The following COL24A1 variants were observed in gnomAD, a reference collection of about 807,000 sequenced individuals.
COL24A1 encodes the protein collagen type XXIV alpha 1 chain.
Under a neutral mutation model 253.9 loss-of-function variants are expected in COL24A1, and 224 were observed. The ratio of observed to expected loss-of-function variants is 0.88; its 90% CI spans 0.79 to 0.99. The LOEUF (loss-of-function observed/expected upper bound fraction) is 0.99. Ranked by LOEUF, COL24A1 falls within the 50% of genes least tolerant of loss-of-function variation. COL24A1 has a pLI of 0.00. For synonymous variants in COL24A1, 685 were observed against 673.7 expected (o/e 1.02, Z -0.26); for missense variants, 2,131 against 2,068.5 (o/e 1.03, Z -0.59).
intron 37 of COL24A1, among the ~76,000 whole-genome samples, chr1:85,851,629 T>C (rs932153775): frequency 6.6e-6 from 1 of 152,188 alleles, no homozygotes; most frequent in East Asian, 1.9e-4. Context: ...AGACTTAAAA[T>C]GGGTGCAGAA....
At chr1:85,977,916 G>T (rs1005661387) in intron 20 of COL24A1, among the ~76,000 whole-genome samples, 1 of 152,050 alleles carries the variant, frequency 6.6e-6, no homozygotes, top group African/African-American at 2.4e-5. Flanking sequence ...CACCACCTAG[G>T]CACACAGTCA....
chr1:86,147,175 T>C (rs1652000901), intron 1 of COL24A1, among the ~76,000 whole-genome samples: 1 of 152,180 alleles, frequency 6.6e-6, no homozygotes, highest in Non-Finnish European at 1.5e-5. Flanking sequence ...TAGTAATTGG[T>C]ACATTTTCTA....
chr1:85,987,933 C>T (rs1422427177), intron 19 of COL24A1, among the ~76,000 whole-genome samples: 1 of 151,778 alleles, frequency 6.6e-6, no homozygotes, highest in Non-Finnish European at 1.5e-5. Flanking sequence ...AAATTATCCA[C>T]AATGTGGAAA....
intron 21 of COL24A1, 145 bp downstream of exon 21, chr1:85,971,195 C>T: frequency 1.4e-6 from 1 of 696,178 alleles, no homozygotes; most frequent in Non-Finnish European, 2.5e-6. Flanking sequence ...GGCAAGAGAC[C>T]AAGACTCTGT....
rs564190824 is a variant in COL24A1, at chr1:86,097,995, A to G, written c.1600-5675T>C. ...GCATGTATGGGATGAATCCTCCTGT[A>G]GATAATGATTACAAAGTCAGGATAA... On this transcript the variant is annotated intron_variant, in intron 5 of 59. Transcript: ENST00000370571. 6.6e-5 allele frequency among the ~76,000 whole-genome samples: 10 copies of G among 152,308 alleles called. No individual in the cohort carries two copies. In the East Asian group the frequency reaches 1.9e-3, roughly 30 times the overall value.
intron 47 of COL24A1, among the ~76,000 whole-genome samples, chr1:85,802,253 T>C (rs1252239841): frequency 6.6e-6 from 1 of 152,212 alleles, no homozygotes. Flanking sequence ...AATGCTCAAT[T>C]ACCTTAATAC....
intron 2 of COL24A1, among the ~76,000 whole-genome samples, chr1:86,145,588 C>G (rs1651764949): frequency 6.6e-6 from 1 of 151,932 alleles, no homozygotes; most frequent in Non-Finnish European, 1.5e-5. Context: ...TACATAGACT[C>G]CTGAAACTCT....
chr1:86,049,113 G>T (rs1013743324), intron 11 of COL24A1, among the ~76,000 whole-genome samples: 1 of 152,158 alleles, frequency 6.6e-6, no homozygotes, highest in African/African-American at 2.4e-5. Context: ...TGAAGGTTAG[G>T]TGGCTTAGTT....
In COL24A1 at chr1:86,125,896, C is replaced by A. The variant is rs1236958997; in HGVS notation, c.440G>T (p.Arg147Ile). 1.2e-6 allele frequency: 2 copies of A among 1,613,192 alleles called. No individual in the cohort carries two copies. Among genetic ancestry groups the A allele is most frequent in the Non-Finnish European group, 1.7e-6 (2 of 1,179,674 alleles). The change falls in exon 3 of 60, where the codon AGA becomes ATA. Residue 147 changes from arginine to isoleucine, a missense_variant. By Grantham distance (97) the Arg-to-Ile change is moderately conservative. Coordinates refer to ENST00000370571, the MANE Select transcript of COL24A1 (RefSeq NM_152890.7). ...GTTGAAAACTGCAGGCTGCTTTCCT[C>A]TAATGTGTACTACTAATTTTTTAGG... Reference protein sequence around the residue: ...LLPKKLVVHIRGKQPAVFNYS... With the variant: ...LLPKKLVVHIIGKQPAVFNYS...
intron 20 of COL24A1, among the ~76,000 whole-genome samples, chr1:85,983,793 T>A (rs1693466532): frequency 6.6e-6 from 1 of 151,832 alleles, no homozygotes. Flanking sequence ...TCAACAAAAA[T>A]GAGAAGGACC....
At chr1:86,065,711 T>C (rs1701420376) in intron 7 of COL24A1, among the ~76,000 whole-genome samples, 1 of 150,204 alleles carries the variant, frequency 6.7e-6, no homozygotes, top group Non-Finnish European at 1.5e-5. Context: ...GGAGGGTTGC[T>C]TGAGCCCAGG....
chr1:85,896,461 T>G lies in COL24A1; in HGVS notation c.2779-52A>C, dbSNP rs193124174. The G allele has an allele frequency of 5.5e-3, 8,169 of 1,472,632 alleles. 56 individuals carry two copies. Among genetic ancestry groups the G allele is most frequent in the Middle Eastern group, 0.019 (112 of 5,756 alleles). 91.2% of individuals were successfully genotyped at this position (1,472,632 alleles called of 1,614,324 possible). A position where few individuals can be genotyped will look rare whatever the true frequency, so the allele number is the denominator to read the frequency against. On this transcript the variant is annotated intron_variant, in intron 28 of 59. Coordinates refer to ENST00000370571, the MANE Select transcript of COL24A1 (RefSeq NM_152890.7). ...TTAATTTGAAATGTTCCTTTTTTTTTCTTAACAGTTATGTGTCCTCACAGA... is the reference window on the plus strand; with the variant it reads ...TTAATTTGAAATGTTCCTTTTTTTTGCTTAACAGTTATGTGTCCTCACAGA...
intron 42 of COL24A1, among the ~76,000 whole-genome samples, chr1:85,839,433 T>A (rs1046179169): frequency 2.6e-5 from 4 of 151,864 alleles, no homozygotes; most frequent in Non-Finnish European, 5.9e-5. Context: ...CATGAGAAAG[T>A]CTACTGTTGG....
In COL24A1 at chr1:86,096,636, T is replaced by C. The variant is rs569476700; in HGVS notation, c.1600-4316A>G. Among the ~76,000 whole-genome samples, 4 of 152,222 alleles carry C rather than the reference T, an allele frequency of 2.6e-5. No homozygotes were observed. The South Asian group carries it at 8.3e-4, about 32-fold the overall frequency. On this transcript the variant is annotated intron_variant, in intron 5 of 59. Transcript: ENST00000370571. ...GGTCTAACATAGTCACTCCATTGCA[T>C]ACATAAATGACCCTACTTCCCCTTT... is the stretch of plus-strand genomic sequence containing the variant.
At chr1:86,107,395 G>T (rs2102099384) in intron 5 of COL24A1, among the ~76,000 whole-genome samples, 1 of 152,266 alleles carries the variant, frequency 6.6e-6, no homozygotes, top group South Asian at 2.1e-4. Context: ...TATAAAGCTT[G>T]AATGTTCTAT....
chr1:86,135,012 G>T (rs1256397510), intron 2 of COL24A1, among the ~76,000 whole-genome samples: 1 of 151,626 alleles, frequency 6.6e-6, no homozygotes. Context: ...CCAAGGACTT[G>T]CTTTATGAAT....
chr1:85,824,905 TA>T lies in COL24A1; in HGVS notation c.3682-1168del, dbSNP rs1553188215. Among the ~76,000 whole-genome samples, 10 of 11,146 alleles carry T rather than the reference TA, an allele frequency of 9.0e-4. No homozygotes were observed. The South Asian group carries it at 0.023, about 26-fold the overall frequency. The allele number at this position is 11,146 out of a possible 152,430, so 7.3% of individuals were successfully genotyped here. Reference sequence around the variant, plus strand: ...CATAGGCTAACAATATTTATTCTTTTATTATTATTATTATTATTATTATTAT... The same window carrying T: ...CATAGGCTAACAATATTTATTCTTTTTTATTATTATTATTATTATTATTAT... On this transcript the variant is annotated intron_variant, in intron 43 of 59. Coordinates refer to ENST00000370571, the MANE Select transcript of COL24A1 (RefSeq NM_152890.7).
intron 12 of COL24A1, among the ~76,000 whole-genome samples, chr1:86,041,767 T>C (rs1410462451): frequency 6.6e-6 from 1 of 152,092 alleles, no homozygotes; most frequent in East Asian, 1.9e-4. Context: ...ATAAAGACAT[T>C]AAAGCATGTA....
At chr1:85,799,112 C>G (rs923094627) in intron 47 of COL24A1, among the ~76,000 whole-genome samples, 1 of 151,784 alleles carries the variant, frequency 6.6e-6, no homozygotes. Flanking sequence ...AACGGTGAGC[C>G]TCCCCTGTAC....
Sources: allele counts gnomAD v4.1 joint callset (sites outside exome capture counted in the v4.1 genomes callset), GRCh38; gene constraint gnomAD v4.1.1; transcripts MANE v1.5; gene names NCBI Gene and HGNC (gene_info 2026-07-23, HGNC 2026-07-21).